Variants in PITPNB observed in about 807,000 individuals in gnomAD.
The protein encoded by PITPNB is phosphatidylinositol transfer protein beta.
PITPNB carries 16 observed loss-of-function variants against 45.9 expected under a neutral mutation model. The observed-to-expected ratio is 0.35, with a 90% confidence interval of 0.24 to 0.53. The LOEUF is 0.53. Ranked by LOEUF, PITPNB falls within the 20% of genes least tolerant of loss-of-function variation. The probability of loss-of-function intolerance (pLI) is 0.93; values close to 1 mark genes in which losing one functional copy is unlikely to be tolerated. For missense variants in PITPNB, 188 were observed against 330.5 expected, an observed-to-expected ratio of 0.57 and a Z score of 3.34; for synonymous variants, 112 against 108.9, an observed-to-expected ratio of 1.03 and a Z score of -0.18.
Position 27,919,239 on chromosome 22 carries a change from G to C in PITPNB, c.-48C>G. 1 of 1,524,282 alleles carries C rather than the reference G, an allele frequency of 6.6e-7. No homozygotes were observed. The highest frequency in any genetic ancestry group is 9.1e-7 in the Non-Finnish European group (1 of 1,101,098). The allele number at this position is 1,524,282 out of a possible 1,614,324, so 94.4% of individuals were successfully genotyped here. On this transcript the variant is annotated 5_prime_UTR_variant, in exon 1 of 12. Coordinates refer to ENST00000335272, the MANE Select transcript of PITPNB (RefSeq NM_012399.5). Reference sequence around the variant, plus strand: ...TGCCGCCGATACCACCGCCGCCGCCGCCGCTACCGCCTCTCACAGCGCCTG... The same window carrying C: ...TGCCGCCGATACCACCGCCGCCGCCCCCGCTACCGCCTCTCACAGCGCCTG...
chr22:27,858,353 A>T (rs1934230803), intron 10 of PITPNB, 34 bp downstream of exon 10: 9 of 1,557,408 alleles, frequency 5.8e-6, no homozygotes, highest in Middle Eastern at 1.7e-4. Flanking sequence ...GAAAAGGGAA[A>T]ATTAGAGAAT....
chr22:27,882,420 G>GTA (rs1934999384), intron 7 of PITPNB, among the ~76,000 whole-genome samples: 1 of 152,172 alleles, frequency 6.6e-6, no homozygotes, highest in Non-Finnish European at 1.5e-5. Context: ...TACTGGCTTA[G>GTA]TATATTCCTG....
rs138187547 is a variant in PITPNB, at chr22:27,896,374, C to G, written c.372+178G>C. On this transcript the variant is annotated intron_variant, in intron 6 of 11. Coordinates refer to ENST00000335272, the MANE Select transcript of PITPNB (RefSeq NM_012399.5). ...AACTTTACCAAAGTGTCAAGGCAAGCGGACTGATAGGGAAAGCCTATTTGG... is the reference window on the plus strand; with the variant it reads ...AACTTTACCAAAGTGTCAAGGCAAGGGGACTGATAGGGAAAGCCTATTTGG... Among the ~76,000 whole-genome samples, 1,030 of 152,234 alleles carry G rather than the reference C, an allele frequency of 6.8e-3. 7 individuals carry two copies. The highest frequency in any genetic ancestry group is 0.023 in the African/African-American group (935 of 41,542).
At chr22:27,894,965 A>G (rs1935393630) in intron 6 of PITPNB, among the ~76,000 whole-genome samples, 4 of 152,178 alleles carry the variant, frequency 2.6e-5, no homozygotes, top group Admixed American at 2.6e-4. Context: ...ATACACAACA[A>G]AGTACTTGTA....
intron 10 of PITPNB, 31 bp from the exon 11 acceptor site, chr22:27,854,970 A>C: frequency 6.7e-7 from 1 of 1,501,234 alleles, no homozygotes; most frequent in Non-Finnish European, 9.3e-7. Context: ...TGAGCTGCTG[A>C]AATCAGACTC....
At chr22:27,877,490 A>C (rs1001501864) in intron 7 of PITPNB, among the ~76,000 whole-genome samples, 9 of 152,228 alleles carry the variant, frequency 5.9e-5, no homozygotes, top group African/African-American at 2.2e-4. Context: ...CACAGAATAC[A>C]CTCATTAATT....
chr22:27,871,828 C>T (rs1934669054), intron 8 of PITPNB, among the ~76,000 whole-genome samples: 1 of 152,150 alleles, frequency 6.6e-6, no homozygotes, highest in South Asian at 2.1e-4. Context: ...CAGGTGTTTG[C>T]ATCATGACTG....
chr22:27,860,142 A>G lies in PITPNB; in HGVS notation c.634T>C (p.Phe212Leu). The G allele has an allele frequency of 6.2e-7, 1 of 1,604,308 alleles. No homozygotes were observed. The highest frequency in any genetic ancestry group is 8.5e-7 in the Non-Finnish European group (1 of 1,171,128). ...WWGLQSKVEN[F>L]IQKQEKRIFT... ...TGAGCAGATTTTACCTTTTGAATGA[A>G]GTTTTCTACTTTGCTTTGCAGTCCC... Residue 212 changes from phenylalanine (F) to leucine (L), a missense_variant, in exon 9 of 12, where the codon TTC becomes CTC. Coordinates refer to ENST00000335272, the MANE Select transcript of PITPNB (RefSeq NM_012399.5).
chr22:27,879,554 A>G (rs1230846292), intron 7 of PITPNB, among the ~76,000 whole-genome samples: 2 of 152,112 alleles, frequency 1.3e-5, no homozygotes, highest in African/African-American at 4.8e-5. Flanking sequence ...TTATTGTAAT[A>G]TTGTATTTAT....
At chr22:27,899,890 T>C (rs941033544) in intron 3 of PITPNB, among the ~76,000 whole-genome samples, 3 of 152,098 alleles carry the variant, frequency 2.0e-5, no homozygotes, top group Admixed American at 2.0e-4. Context: ...CTATCAATGG[T>C]TCAGCTGGTC....
At chr22:27,899,863 G>C (rs1360487204) in intron 3 of PITPNB, among the ~76,000 whole-genome samples, 1 of 152,106 alleles carries the variant, frequency 6.6e-6, no homozygotes, top group East Asian at 1.9e-4. Flanking sequence ...ATTCATCTGA[G>C]AGTATGACAA....
intron 7 of PITPNB, among the ~76,000 whole-genome samples, chr22:27,880,070 C>T (rs1456270042): frequency 6.6e-6 from 1 of 152,140 alleles, no homozygotes; most frequent in Non-Finnish European, 1.5e-5. Context: ...CCACATTCTC[C>T]CAGTTAATGC....
intron 3 of PITPNB, chr22:27,910,525 C>T (rs111809663): frequency 0.017 from 2,619 of 156,302 alleles, 38 homozygotes; most frequent in African/African-American, 0.039. Context: ...AAAAGAATCA[C>T]ACAGATATTA....
intron 7 of PITPNB, among the ~76,000 whole-genome samples, chr22:27,886,122 T>C (rs1935117106): frequency 6.6e-6 from 1 of 152,210 alleles, no homozygotes; most frequent in South Asian, 2.1e-4. Context: ...TTAAAGGATA[T>C]AACAACTTAA....
chr22:27,860,231 G>A lies in PITPNB; in HGVS notation c.545C>T (p.Ala182Val), dbSNP rs760131522. The A allele has an allele frequency of 6.2e-6, 10 of 1,603,316 alleles. No homozygotes were observed. In the Admixed American group the frequency reaches 1.0e-4, roughly 16 times the overall value. ...PLGPNWKKEL[A>V]NSPDCPQMCA... ...CATCTGGGGACAGTCAGGGCTGTTTGCCAGCTCCTTCTAGATGAGAAAAAT... is the reference window on the plus strand; with the variant it reads ...CATCTGGGGACAGTCAGGGCTGTTTACCAGCTCCTTCTAGATGAGAAAAAT... Residue 182 changes from alanine to valine, a missense_variant, in exon 9 of 12, where the codon GCA (alanine) becomes GTA (valine). Physicochemically the swap from Ala to Val is moderately conservative, Grantham distance 64. Transcript: ENST00000335272.
intron 8 of PITPNB, among the ~76,000 whole-genome samples, chr22:27,865,768 G>C (rs1179467302): frequency 6.6e-6 from 1 of 152,068 alleles, no homozygotes; most frequent in Non-Finnish European, 1.5e-5. Flanking sequence ...GGAGGGGCGG[G>C]CGGTGAGAAA....
At chr22:27,875,861 A>G (rs1487995745) in intron 7 of PITPNB, among the ~76,000 whole-genome samples, 1 of 152,190 alleles carries the variant, frequency 6.6e-6, no homozygotes, top group Non-Finnish European at 1.5e-5. Context: ...GAAGCAAGCA[A>G]AGAACAGGTA....
At chr22:27,865,303 A>G (rs1934453178) in intron 8 of PITPNB, among the ~76,000 whole-genome samples, 1 of 152,240 alleles carries the variant, frequency 6.6e-6, no homozygotes, top group Non-Finnish European at 1.5e-5. Flanking sequence ...TTCTTTCACT[A>G]TAAACAATCT....
chr22:27,907,415 T>C (rs1018415822), intron 3 of PITPNB, among the ~76,000 whole-genome samples: 2 of 152,194 alleles, frequency 1.3e-5, no homozygotes, highest in African/African-American at 4.8e-5. Flanking sequence ...AATTTGTCAT[T>C]GTGGACATCT....
Sources: gnomAD v4.1 joint callset for allele counts (sites outside exome capture counted in the v4.1 genomes callset) on GRCh38, gnomAD v4.1.1 for gene constraint, MANE v1.5 for transcripts, NCBI Gene and HGNC (gene_info 2026-07-23, HGNC 2026-07-21) for gene names.